Variants in SPIDR observed in about 807,000 individuals in gnomAD.
SPIDR encodes the protein DNA repair-scaffolding protein.
A neutral mutation model predicts 104.6 loss-of-function variants in SPIDR; 93 were observed. The ratio of observed to expected loss-of-function variants is 0.89; its 90% CI spans 0.75 to 1.06. SPIDR has a LOEUF of 1.06. SPIDR is among the 50% of genes least tolerant of loss of function. The probability of loss-of-function intolerance (pLI) is 0.00; values close to 1 mark genes in which losing one functional copy is unlikely to be tolerated. For synonymous variants in SPIDR, 431 were observed against 416.9 expected (o/e 1.03, Z -0.41); for missense variants, 1,154 against 1,111.2 (o/e 1.04, Z -0.55).
At chr8:47,464,760 G>GT (rs534975158) in intron 8 of SPIDR, among the ~76,000 whole-genome samples, 184 of 150,898 alleles carry the variant, frequency 1.2e-3, no homozygotes, top group Admixed American at 2.7e-3. Context: ...TTTTTCTTTT[G>GT]TTTTTTTCTA....
At chr8:47,720,748 T>C (rs1325772954) in intron 16 of SPIDR, among the ~76,000 whole-genome samples, 1 of 152,060 alleles carries the variant, frequency 6.6e-6, no homozygotes, top group Non-Finnish European at 1.5e-5. Context: ...TCATGGCTTG[T>C]CTTTTCATAC....
intron 11 of SPIDR, among the ~76,000 whole-genome samples, chr8:47,677,673 T>C (rs1375314597): frequency 3.9e-5 from 6 of 152,220 alleles, no homozygotes; most frequent in Admixed American, 2.6e-4. Flanking sequence ...GACCTTGAAT[T>C]GTGTCCCTTT....
intron 10 of SPIDR, among the ~76,000 whole-genome samples, chr8:47,607,746 C>T (rs2063133191): frequency 6.6e-6 from 1 of 151,940 alleles, no homozygotes; most frequent in Non-Finnish European, 1.5e-5. Context: ...TACTAATTGA[C>T]ATCCAGACCC....
rs1320330509 is a variant in SPIDR at position 47,403,468 on chromosome 8, C to G, written c.777-4393C>G. Among the ~76,000 whole-genome samples the G allele has an allele frequency of 2.6e-5, 4 of 152,284 alleles. No homozygotes were observed. In the East Asian group the frequency reaches 7.7e-4, roughly 29 times the overall value. On this transcript the variant is annotated intron_variant, in intron 6 of 19. Coordinates refer to ENST00000297423, the MANE Select transcript of SPIDR (RefSeq NM_001080394.4). Reference sequence around the variant, plus strand: ...CATTTAGAAAACCCCATCGTCTCAGCCCAAAATCTCCTTAAGCTGATAAGC... The same window carrying G: ...CATTTAGAAAACCCCATCGTCTCAGGCCAAAATCTCCTTAAGCTGATAAGC...
chr8:47,417,079 A>G (rs1432666921), intron 7 of SPIDR, among the ~76,000 whole-genome samples: 3 of 152,230 alleles, frequency 2.0e-5, no homozygotes, highest in Non-Finnish European at 2.9e-5. Flanking sequence ...TAGTGCCACA[A>G]TAAACATACA....
At position 47,283,944 on chromosome 8, in the gene SPIDR, T is replaced by C. The variant is rs1319466645; in HGVS notation, c.190-84T>C. On this transcript the variant is annotated intron_variant, in intron 2 of 19. Coordinates refer to ENST00000297423, the MANE Select transcript of SPIDR (RefSeq NM_001080394.4). ...TCAGAGAAGAATATGTTAAGGAGAG[T>C]GTAGTTTAAGATTTTGAATATTTTA... The C allele has an allele frequency of 5.2e-6, 5 of 962,274 alleles. No individual in the cohort carries two copies. The Admixed American group carries it at 1.0e-4, about 20-fold the overall frequency. The allele number at this position is 962,274 out of a possible 1,614,324, so 59.6% of individuals were successfully genotyped here.
intron 8 of SPIDR, among the ~76,000 whole-genome samples, chr8:47,595,526 C>T (rs1011791421): frequency 2.0e-5 from 3 of 152,158 alleles, no homozygotes; most frequent in Admixed American, 6.5e-5. Flanking sequence ...CTCCGTATTT[C>T]CCCCTGAGGG....
chr8:47,635,739 T>G (rs906781998), intron 10 of SPIDR, among the ~76,000 whole-genome samples: 6 of 151,760 alleles, frequency 4.0e-5, no homozygotes, highest in Non-Finnish European at 8.8e-5. Context: ...AAAAAAAAAT[T>G]AAAAAAGAAC....
chr8:47,261,000 T>G lies in SPIDR; in HGVS notation c.33+9T>G. 1 of 1,228,252 alleles carries G rather than the reference T, an allele frequency of 8.1e-7. No individual in the cohort carries two copies. Among genetic ancestry groups the G allele is most frequent in the Non-Finnish European group, 1.0e-6 (1 of 985,548 alleles). The allele number at this position is 1,228,252 out of a possible 1,614,324, so 76.1% of individuals were successfully genotyped here. On this transcript the variant is annotated intron_variant, in intron 1 of 19. Transcript: ENST00000297423. The stretch of plus-strand genomic sequence containing the variant: ...GCGCTCGGGGCTCTAAGGTAGGCTC[T>G]GGGGCGGGAGTGGGCGCCGCGCCGT...
At chr8:47,263,920 C>CA (rs1250239878) in intron 1 of SPIDR, among the ~76,000 whole-genome samples, 4 of 152,164 alleles carry the variant, frequency 2.6e-5, no homozygotes, top group African/African-American at 7.2e-5. Flanking sequence ...ATATTCTAGA[C>CA]ATTTAAGATT....
At chr8:47,354,940 G>C (rs1473372693) in intron 5 of SPIDR, among the ~76,000 whole-genome samples, 2 of 151,986 alleles carry the variant, frequency 1.3e-5, no homozygotes, top group Admixed American at 1.3e-4. Flanking sequence ...ACCACACCAA[G>C]CCCTAATGAA....
chr8:47,496,168 A>G (rs1443451888), intron 8 of SPIDR, among the ~76,000 whole-genome samples: 1 of 152,094 alleles, frequency 6.6e-6, no homozygotes, highest in Non-Finnish European at 1.5e-5. Flanking sequence ...CTTTTCAATC[A>G]GGATGCCTTT....
At chr8:47,705,272 A>G (rs1447457786) in intron 14 of SPIDR, among the ~76,000 whole-genome samples, 1 of 152,124 alleles carries the variant, frequency 6.6e-6, no homozygotes, top group African/African-American at 2.4e-5. Flanking sequence ...ATCCCCTCCT[A>G]TCCAAGAAAC....
At chr8:47,554,014 C>T (rs181853789) in intron 8 of SPIDR, among the ~76,000 whole-genome samples, 1 of 152,312 alleles carries the variant, frequency 6.6e-6, no homozygotes, top group African/African-American at 2.4e-5. Context: ...GCTGGAGGTC[C>T]ACTCCAGACC....
At chr8:47,517,277 T>A (rs753987594) in intron 8 of SPIDR, among the ~76,000 whole-genome samples, 4 of 152,112 alleles carry the variant, frequency 2.6e-5, no homozygotes, top group African/African-American at 9.7e-5. Flanking sequence ...TGAGCCACCG[T>A]GCCTGGCAGA....
intron 5 of SPIDR, among the ~76,000 whole-genome samples, chr8:47,363,138 A>G (rs147051272): frequency 1.4e-3 from 211 of 152,070 alleles, no homozygotes; most frequent in Admixed American, 2.6e-3. Context: ...TTCATGTAGC[A>G]AAAGCATCTC....
Position 47,702,028 on chromosome 8 carries a change from C to G in SPIDR, c.1977+13C>G. The G allele has an allele frequency of 6.3e-7, 1 of 1,584,770 alleles. No individual in the cohort carries two copies. Among genetic ancestry groups the G allele is most frequent in the South Asian group, 1.1e-5 (1 of 88,746 alleles). ...CCAAAAACCACAGGTAATAATCTCT[C>G]TCAATCTCTCAATCTCTCAGCCTTT... On this transcript the variant is annotated intron_variant, in intron 14 of 19. Transcript: ENST00000297423.
chr8:47,533,756 G>A (rs535334354), intron 8 of SPIDR, among the ~76,000 whole-genome samples: 15 of 152,236 alleles, frequency 9.9e-5, no homozygotes, highest in African/African-American at 3.4e-4. Flanking sequence ...TTATTAAAAC[G>A]TCAAAAAATA....
chr8:47,636,455 T>A (rs2067934226), intron 10 of SPIDR, among the ~76,000 whole-genome samples: 1 of 152,124 alleles, frequency 6.6e-6, no homozygotes, highest in Non-Finnish European at 1.5e-5. Context: ...AATAAAAAAC[T>A]GGAAGTGATT....
Sources: gnomAD v4.1 joint callset for allele counts (sites outside exome capture counted in the v4.1 genomes callset) on GRCh38, gnomAD v4.1.1 for gene constraint, MANE v1.5 for transcripts, NCBI Gene and HGNC (gene_info 2026-07-23, HGNC 2026-07-21) for gene names.